Variants in ANKRD62 observed in about 807,000 individuals in gnomAD.
ANKRD62 encodes the protein ankyrin repeat domain-containing protein 62.
A neutral mutation model predicts 98.8 loss-of-function variants in ANKRD62; 61 were observed. That is an observed-to-expected ratio of 0.62 (90% CI 0.50 to 0.76). The LOEUF (loss-of-function observed/expected upper bound fraction) is 0.76, where lower values mean the gene tolerates loss of function less well. Among genes scored for constraint, ANKRD62 ranks in the 30% least tolerant of loss-of-function variants. The pLI is 0.00. For synonymous variants in ANKRD62, 341 were observed against 367.9 expected, an observed-to-expected ratio of 0.93 and a Z score of 0.84; for missense variants, 933 against 1,082.9, an observed-to-expected ratio of 0.86 and a Z score of 1.94.
At chr18:12,141,197 T>A in the ANKRD62 span, among the ~76,000 whole-genome samples, 77 of 152,360 alleles carry the variant, frequency 5.1e-4, no homozygotes, top group Non-Finnish European at 9.7e-4. Context: ...GTTAAGCCCG[T>A]TGGACAAGCG....
the ANKRD62 span, among the ~76,000 whole-genome samples, chr18:12,170,861 A>AT: frequency 1.3e-5 from 2 of 152,030 alleles, no homozygotes; most frequent in East Asian, 3.9e-4. Flanking sequence ...TTCTTGTTGA[A>AT]TTGATCCCTT....
At position 12,129,508 on chromosome 18, in the gene ANKRD62, G is replaced by C. The variant is rs1909964085; in HGVS notation, c.*1569G>C. The C allele has an allele frequency of 6.6e-6, 1 of 152,310 alleles. No homozygotes were observed. The highest frequency in any genetic ancestry group is 2.1e-4 in the South Asian group (1 of 4,834). The allele number at this position is 152,310 out of a possible 1,614,324, so 9.4% of individuals were successfully genotyped here. ...CACGCCTGTAATCCCAACACTTTGG[G>C]AGGCCGAGATGGGCGGATCATGAGG... is the stretch of plus-strand genomic sequence containing the variant. On this transcript the variant is annotated 3_prime_UTR_variant, in exon 14 of 14. Transcript: ENST00000587848.
chr18:12,178,408 C>T, the ANKRD62 span, among the ~76,000 whole-genome samples: 29 of 144,430 alleles, frequency 2.0e-4, 1 homozygote, highest in African/African-American at 6.3e-4. Context: ...CTAAGATCAA[C>T]GGGAAACCAT....
chr18:12,135,733 T>G, the ANKRD62 span, among the ~76,000 whole-genome samples: 1 of 152,110 alleles, frequency 6.6e-6, no homozygotes, highest in African/African-American at 2.4e-5. Flanking sequence ...ATGATCGCCA[T>G]TCTAACTGGT....
intron 10 of ANKRD62, among the ~76,000 whole-genome samples, chr18:12,117,878 A>G (rs1909698543): frequency 6.6e-6 from 1 of 152,202 alleles, no homozygotes; most frequent in Non-Finnish European, 1.5e-5. Flanking sequence ...AGAAGTTATG[A>G]TAAAGTCTTT....
chr18:12,122,628 C>T (rs1431316203), intron 11 of ANKRD62, 112 bp downstream of exon 11: 1 of 904,286 alleles, frequency 1.1e-6, no homozygotes, highest in Non-Finnish European at 1.6e-6. Context: ...AAGAAAACCT[C>T]TTAAAATTGT....
chr18:12,131,337 T>A (rs1473879762), downstream of ANKRD62, among the ~76,000 whole-genome samples: 1 of 152,210 alleles, frequency 6.6e-6, no homozygotes, highest in African/African-American at 2.4e-5. Context: ...CATGGATTTC[T>A]GAAATAAATA....
chr18:12,095,673 GA>G (rs1909167183), intron 3 of ANKRD62, 63 bp downstream of exon 3: 1 of 1,365,130 alleles, frequency 7.3e-7, no homozygotes, highest in African/African-American at 1.5e-5. Flanking sequence ...ATTGACATAT[GA>G]TTTTTTTTAG....
the ANKRD62 span, among the ~76,000 whole-genome samples, chr18:12,164,759 A>C: frequency 1.3e-5 from 2 of 151,900 alleles, no homozygotes; most frequent in African/African-American, 4.8e-5. Context: ...CTTCAGGAAC[A>C]TATTGTTTAA....
chr18:12,166,626 C>T, the ANKRD62 span, among the ~76,000 whole-genome samples: 156 of 151,976 alleles, frequency 1.0e-3, no homozygotes, highest in African/African-American at 3.7e-3. Context: ...AGGATTGGTC[C>T]TTGGTGCCTT....
chr18:12,156,528 T>A, the ANKRD62 span, among the ~76,000 whole-genome samples: 2 of 152,132 alleles, frequency 1.3e-5, no homozygotes, highest in African/African-American at 2.4e-5. Context: ...ACAGTATTTT[T>A]AAAAAGGAAT....
the ANKRD62 span, among the ~76,000 whole-genome samples, chr18:12,168,018 T>C: frequency 3.3e-5 from 5 of 152,340 alleles, no homozygotes; most frequent in East Asian, 3.9e-4. Flanking sequence ...GAGTTCTTTG[T>C]AGGTTCTGGA....
At chr18:12,124,582 T>A (rs1353060034) in intron 12 of ANKRD62, among the ~76,000 whole-genome samples, 1 of 152,178 alleles carries the variant, frequency 6.6e-6, no homozygotes, top group East Asian at 1.9e-4. Flanking sequence ...TTGTTCCTAG[T>A]GACATAGTTC....
chr18:12,171,893 A>T, the ANKRD62 span, among the ~76,000 whole-genome samples: 1 of 152,088 alleles, frequency 6.6e-6, no homozygotes, highest in Non-Finnish European at 1.5e-5. Context: ...TTGATCTTCA[A>T]TCACTGATAC....
intron 10 of ANKRD62, among the ~76,000 whole-genome samples, chr18:12,121,529 G>T (rs1308993759): frequency 1.3e-5 from 2 of 152,086 alleles, no homozygotes; most frequent in African/African-American, 2.4e-5. Context: ...GACCTCTGCA[G>T]ATCTCCAGGG....
the ANKRD62 span, among the ~76,000 whole-genome samples, chr18:12,177,455 G>A: frequency 6.6e-6 from 1 of 152,168 alleles, no homozygotes; most frequent in African/African-American, 2.4e-5. Flanking sequence ...AATAGTGAGA[G>A]GAGAGGGTGG....
the ANKRD62 span, among the ~76,000 whole-genome samples, chr18:12,163,856 G>A: frequency 6.6e-6 from 1 of 151,948 alleles, no homozygotes; most frequent in East Asian, 1.9e-4. Flanking sequence ...GCATCCCTGG[G>A]ATAAATTTCA....
chr18:12,115,310 A>G (rs1909637391), intron 9 of ANKRD62, 83 bp from the exon 10 acceptor site: 1 of 1,353,160 alleles, frequency 7.4e-7, no homozygotes, highest in Admixed American at 2.9e-5. Context: ...ATGTAAAAAG[A>G]CGGATAATTC....
At chr18:12,138,760 T>C in the ANKRD62 span, among the ~76,000 whole-genome samples, 1 of 152,136 alleles carries the variant, frequency 6.6e-6, no homozygotes, top group Non-Finnish European at 1.5e-5. Context: ...TTTAGGATAG[T>C]TAGTTCTTGT....
Sources: allele counts gnomAD v4.1 joint callset (sites outside exome capture counted in the v4.1 genomes callset), GRCh38; gene constraint gnomAD v4.1.1; transcripts MANE v1.5; gene names NCBI Gene and HGNC (gene_info 2026-07-23, HGNC 2026-07-21).